Variants in CHAF1A observed in about 807,000 individuals in gnomAD.
CHAF1A encodes chromatin assembly factor 1 subunit A, also known as CAF-1 subunit A.
A neutral mutation model predicts 93.2 loss-of-function variants in CHAF1A; 5 were observed. That is an observed-to-expected ratio of 0.05 (90% CI 0.03 to 0.11). CHAF1A has a LOEUF of 0.11. Ranked by LOEUF, CHAF1A falls within the 10% of genes least tolerant of loss-of-function variation. CHAF1A has a pLI of 1.00. For synonymous variants in CHAF1A, 504 were observed against 510.3 expected, an observed-to-expected ratio of 0.99 and a Z score of 0.17; for missense variants, 1,102 against 1,259.9, an observed-to-expected ratio of 0.87 and a Z score of 1.90.
At chr19:4,446,903 C>T (rs1180229305), downstream of CHAF1A, 5 of 1,613,960 alleles carry the variant, frequency 3.1e-6, no homozygotes, top group South Asian at 1.1e-5. Context: ...GGGTCCCTTC[C>T]AGGCAGTTAA....
At chr19:4,417,618 G>C (rs900969152) in intron 3 of CHAF1A, among the ~76,000 whole-genome samples, 1 of 151,932 alleles carries the variant, frequency 6.6e-6, no homozygotes, top group African/African-American at 2.4e-5. Context: ...CTGCCACCAC[G>C]CTCGGCTAAT....
Position 4,409,464 on chromosome 19 carries a change from A to C in CHAF1A, c.665A>C (p.Gln222Pro), listed in dbSNP as rs1237758243. The change falls in exon 3 of 15, where the codon CAG becomes CCG. Residue 222 changes from glutamine (Q) to proline (P), a missense_variant. Transcript: ENST00000301280. ...SGPRMCPRKEQDSWSEAGGIL... is the reference protein window; with the variant it reads ...SGPRMCPRKEPDSWSEAGGIL... Reference sequence around the variant, plus strand: ...CCGAGAATGTGCCCCAGAAAGGAGCAGGACAGTTGGAGTGAAGCTGGGGGC... The same window carrying C: ...CCGAGAATGTGCCCCAGAAAGGAGCCGGACAGTTGGAGTGAAGCTGGGGGC... 2 of 1,614,142 alleles carry C rather than the reference A, an allele frequency of 1.2e-6. No individual in the cohort carries two copies. The highest frequency in any genetic ancestry group is 1.7e-6 in the Non-Finnish European group (2 of 1,180,010).
At chr19:4,446,633 C>T (rs1438114096), downstream of CHAF1A, 1 of 1,612,440 alleles carries the variant, frequency 6.2e-7, no homozygotes. Flanking sequence ...ACGGGCTCCG[C>T]AGCCAGCAGC....
downstream of CHAF1A, chr19:4,446,243 C>T (rs45503199): frequency 0.022 from 34,731 of 1,570,584 alleles, 453 homozygotes; most frequent in Middle Eastern, 0.044. Context: ...GGGCCCCCTA[C>T]CAACCCGAGC....
Position 4,422,561 on chromosome 19 carries a change from T to C in CHAF1A, c.1018-5T>C, listed in dbSNP as rs1974009240. On this transcript the variant is annotated splice_region_variant and splice_polypyrimidine_tract_variant and intron_variant, in intron 4 of 14. Coordinates refer to ENST00000301280, the MANE Select transcript of CHAF1A (RefSeq NM_005483.3). This position sits in a 1 kb window ranked among gnomAD's most constrained non-coding sequence, Gnocchi z 4.6. ...CCACCTGTCACTTGCCACACTGTCT[T>C]GTAGGATCAGGAGCGTCTGGGCAAG... The C allele has an allele frequency of 1.3e-6, 2 of 1,560,842 alleles. No individual in the cohort carries two copies. Among genetic ancestry groups the C allele is most frequent in the Non-Finnish European group, 1.7e-6 (2 of 1,152,098 alleles).
downstream of CHAF1A, chr19:4,447,385 A>G (rs992761528): frequency 2.6e-5 from 18 of 698,054 alleles, no homozygotes; most frequent in Non-Finnish European, 4.2e-5. Flanking sequence ...CTTGCTCTCC[A>G]TCTTGTCCTG....
At chr19:4,444,102 G>T (rs1412437228), downstream of CHAF1A, among the ~76,000 whole-genome samples, 2 of 152,178 alleles carry the variant, frequency 1.3e-5, no homozygotes, top group Non-Finnish European at 2.9e-5. Flanking sequence ...CTTTACAGGG[G>T]CTCCCGACAA....
At chr19:4,448,243 G>A (rs1974580035), downstream of CHAF1A, 1 of 1,341,174 alleles carries the variant, frequency 7.5e-7, no homozygotes, top group Admixed American at 2.0e-5. Context: ...GGGCCAGAGG[G>A]GGTGACAGCC....
At chr19:4,444,116 G>A (rs570403221), downstream of CHAF1A, among the ~76,000 whole-genome samples, 23 of 152,282 alleles carry the variant, frequency 1.5e-4, no homozygotes, top group South Asian at 3.9e-3. Flanking sequence ...CCGACAACCC[G>A]GAATCAGGTC....
chr19:4,446,054 C>T (rs369845863), downstream of CHAF1A: 18 of 1,610,820 alleles, frequency 1.1e-5, no homozygotes, highest in Admixed American at 5.0e-5. Context: ...CTCACCAGCC[C>T]GCACTCGTTC....
At chr19:4,434,216 T>C (rs1974241274) in intron 13 of CHAF1A, among the ~76,000 whole-genome samples, 1 of 151,870 alleles carries the variant, frequency 6.6e-6, no homozygotes, top group African/African-American at 2.4e-5. Context: ...AGCGGTGGCA[T>C]GCACCTGTAG....
At chr19:4,441,608 CAAAAAT>C (rs1974390239) in intron 13 of CHAF1A, among the ~76,000 whole-genome samples, 1 of 148,438 alleles carries the variant, frequency 6.7e-6, no homozygotes, top group Admixed American at 6.7e-5. Flanking sequence ...ACTCCCGTCT[CAAAAAT>C]AAAAAATAAA....
chr19:4,440,480 G>C (rs1338008758), intron 13 of CHAF1A, among the ~76,000 whole-genome samples: 1 of 151,714 alleles, frequency 6.6e-6, no homozygotes. Flanking sequence ...GTGATGGCGG[G>C]TGCCTGTAGT....
At chr19:4,415,799 G>A (rs935848965) in intron 3 of CHAF1A, among the ~76,000 whole-genome samples, 1 of 152,160 alleles carries the variant, frequency 6.6e-6, no homozygotes, top group Non-Finnish European at 1.5e-5. Context: ...GACCCAGGTG[G>A]AAAGGCTGTC....
downstream of CHAF1A, chr19:4,446,339 C>A: frequency 6.4e-7 from 1 of 1,569,310 alleles, no homozygotes; most frequent in Non-Finnish European, 8.6e-7. Context: ...GTTGTACTTG[C>A]GCAGCCCCCG....
In CHAF1A at chr19:4,408,975, C is replaced by T; in HGVS notation, c.176C>T (p.Thr59Ile). The stretch of plus-strand genomic sequence containing the variant: ...GATGACATGTCAGACGATCAGGGTA[C>T]TTCTGTGCAAAGTAAAAGCCCCGAT... ...KADDMSDDQGTSVQSKSPDLE... is the reference protein window; with the variant it reads ...KADDMSDDQGISVQSKSPDLE... The change falls in exon 3 of 15, where the codon ACT (threonine) becomes ATT (isoleucine). Residue 59 changes from threonine (T) to isoleucine (I), a missense_variant. By Grantham distance (89) the Thr-to-Ile change is moderately conservative (BLOSUM62 -1). Around this residue, in one of 6 missense-constraint regions of CHAF1A, gnomAD observed 379 missense variants for 365.7 expected, o/e 1.04. Coordinates refer to ENST00000301280, the MANE Select transcript of CHAF1A (RefSeq NM_005483.3). The T allele has an allele frequency of 3.1e-6, 5 of 1,614,202 alleles. No individual in the cohort carries two copies. Among genetic ancestry groups the T allele is most frequent in the Non-Finnish European group, 4.2e-6 (5 of 1,180,044 alleles).
intron 13 of CHAF1A, among the ~76,000 whole-genome samples, chr19:4,440,447 A>C (rs1974364769): frequency 7.0e-6 from 1 of 143,422 alleles, no homozygotes; most frequent in Non-Finnish European, 1.5e-5. Flanking sequence ...GTCTCTACTT[A>C]AAAAAAAAAA....
chr19:4,409,211 T>A lies in CHAF1A; in HGVS notation c.412T>A (p.Ser138Thr). The part of the protein sequence containing the change: ...DSLVDHNKLN[S>T]EASPSREAIN... The stretch of plus-strand genomic sequence containing the variant: ...TCTTGTGGACCACAATAAACTAAAT[T>A]CTGAAGCCTCTCCCTCCAGGGAGGC... Residue 138 changes from serine (S) to threonine (T), a missense_variant, in exon 3 of 15, where the codon TCT (serine) becomes ACT (threonine). Transcript: ENST00000301280. 1 of 1,614,010 alleles carries A rather than the reference T, an allele frequency of 6.2e-7. No individual in the cohort carries two copies. Among genetic ancestry groups the A allele is most frequent in the African/African-American group, 1.3e-5 (1 of 74,966 alleles).
At chr19:4,414,167 G>A (rs554730978) in intron 3 of CHAF1A, among the ~76,000 whole-genome samples, 7 of 152,248 alleles carry the variant, frequency 4.6e-5, no homozygotes, top group African/African-American at 1.4e-4. Flanking sequence ...TTGGGAAGCC[G>A]AGGTGGGAGG....
Sources: gnomAD v4.1 joint callset for allele counts (sites outside exome capture counted in the v4.1 genomes callset) on GRCh38, gnomAD v4.1.1 for gene constraint, gnomAD v4.1.1 regional missense constraint, Gnocchi (gnomAD v3.1) non-coding constraint, MANE v1.5 for transcripts, NCBI Gene and HGNC (gene_info 2026-07-23, HGNC 2026-07-21) for gene names.